Variants in ACAD11 observed in about 807,000 individuals in gnomAD.
ACAD11 encodes the protein acyl-Coenzyme A dehydrogenase family, member 11.
A neutral mutation model predicts 102.2 loss-of-function variants in ACAD11; 83 were observed. The ratio of observed to expected loss-of-function variants is 0.81; its 90% CI spans 0.68 to 0.97. ACAD11 has a LOEUF of 0.97. Among genes scored for constraint, ACAD11 ranks in the 50% least tolerant of loss-of-function variants. ACAD11 has a pLI of 0.00. For synonymous variants in ACAD11, 324 were observed against 319.8 expected (o/e 1.01, Z -0.14); for missense variants, 901 against 951.7 (o/e 0.95, Z 0.70).
chr3:132,606,272 T>C (rs1386904746), intron 11 of ACAD11, among the ~76,000 whole-genome samples: 1 of 152,206 alleles, frequency 6.6e-6, no homozygotes, highest in Non-Finnish European at 1.5e-5. Context: ...AGAGCCAACA[T>C]TACATCAACA....
At chr3:132,567,180 T>C (rs1187738423) in intron 17 of ACAD11, among the ~76,000 whole-genome samples, 2 of 152,182 alleles carry the variant, frequency 1.3e-5, no homozygotes, top group African/African-American at 4.8e-5. Context: ...GGTTTCACCA[T>C]GTTGGCCAGG....
intron 13 of ACAD11, among the ~76,000 whole-genome samples, chr3:132,589,063 T>C (rs1937968030): frequency 6.6e-6 from 1 of 152,148 alleles, no homozygotes; most frequent in Non-Finnish European, 1.5e-5. Context: ...CTGAGAGAGC[T>C]TGGTCACCTT....
At chr3:132,614,462 G>T (rs990093524) in intron 11 of ACAD11, among the ~76,000 whole-genome samples, 1 of 152,142 alleles carries the variant, frequency 6.6e-6, no homozygotes, top group African/African-American at 2.4e-5. Context: ...GCATGGTACT[G>T]GTACCGAAAT....
At chr3:132,614,254 T>C (rs1411951294) in intron 11 of ACAD11, among the ~76,000 whole-genome samples, 2 of 152,198 alleles carry the variant, frequency 1.3e-5, no homozygotes, top group Non-Finnish European at 2.9e-5. Context: ...CTGCCCAAAG[T>C]AATTTATAGA....
chr3:132,605,179 G>C lies in ACAD11; in HGVS notation c.1441C>G (p.Leu481Val), dbSNP rs755042208. Residue 481 changes from leucine to valine, a missense_variant, in exon 12 of 20, where the codon CTG (leucine) becomes GTG (valine). Physicochemically the swap from Leu to Val is conservative, Grantham distance 32. Transcript: ENST00000264990. ...TTCTTCTGTTCCTCACTTCCATACA[G>C]GTGCAGAACCTCCATATTCCCTGTG... ...PDTGNMEVLH[L>V]YGSEEQKKQW... 9.3e-6 allele frequency: 15 copies of C among 1,612,740 alleles called. No individual in the cohort carries two copies. In the African/African-American group the frequency reaches 1.5e-4, roughly 16 times the overall value.
intron 1 of ACAD11, chr3:132,647,022 T>C (rs984184364): frequency 2.0e-5 from 3 of 152,200 alleles, no homozygotes; most frequent in Non-Finnish European, 2.9e-5. Context: ...TTGTATAACA[T>C]TGTGAATATA....
chr3:132,568,343 T>C (rs1319405160), intron 17 of ACAD11, among the ~76,000 whole-genome samples: 3 of 152,206 alleles, frequency 2.0e-5, no homozygotes, highest in African/African-American at 7.2e-5. Context: ...AGGACTTGTA[T>C]GCTGAAAACT....
rs182236178 is a variant in ACAD11, at chr3:132,572,706, A to G, written c.2001+3066T>C. On this transcript the variant is annotated intron_variant, in intron 17 of 19. Coordinates refer to ENST00000264990, the MANE Select transcript of ACAD11 (RefSeq NM_032169.5). ...GTTACAAAAACAGGTACATAGACCA[A>G]TGTAACAGAGAGCCCAGAAATGGGG... Among the ~76,000 whole-genome samples, 338 of 152,344 alleles carry G rather than the reference A, an allele frequency of 2.2e-3. 1 individual carries two copies. Among genetic ancestry groups the G allele is most frequent in the South Asian group, 3.7e-3 (18 of 4,834 alleles).
intron 17 of ACAD11, among the ~76,000 whole-genome samples, chr3:132,563,868 A>T (rs1020562990): frequency 6.6e-6 from 1 of 152,222 alleles, no homozygotes; most frequent in Middle Eastern, 3.4e-3. Context: ...GTTTTGGGGG[A>T]AAAGCATTTA....
intron 5 of ACAD11, among the ~76,000 whole-genome samples, chr3:132,635,001 A>G (rs182125623): frequency 5.6e-4 from 85 of 151,974 alleles, no homozygotes; most frequent in African/African-American, 9.9e-4. Flanking sequence ...ACATGTATAC[A>G]TACGTAACAA....
intron 12 of ACAD11, 130 bp downstream of exon 12, chr3:132,604,968 A>C: frequency 1.7e-6 from 1 of 575,666 alleles, no homozygotes; most frequent in South Asian, 2.8e-5. Flanking sequence ...CTCAAAATAA[A>C]CATACTCACA....
In ACAD11 at chr3:132,603,335, TAAAC is replaced by T. The variant is rs776264586; in HGVS notation, c.1523-12_1523-9del. 2 of 1,612,358 alleles carry T rather than the reference TAAAC, an allele frequency of 1.2e-6. No homozygotes were observed. Among genetic ancestry groups the T allele is most frequent in the African/African-American group, 2.7e-5 (2 of 74,874 alleles). On this transcript the variant is annotated splice_polypyrimidine_tract_variant and intron_variant, in intron 12 of 19. Transcript: ENST00000264990. ...TTGAAGCTACATCAGGTTCTATAAA[TAAAC>T]AAAAGCTGAATTTACAGGCAGGCAG...
chr3:132,610,394 C>G (rs988801542), intron 11 of ACAD11, among the ~76,000 whole-genome samples: 10 of 151,992 alleles, frequency 6.6e-5, no homozygotes, highest in Non-Finnish European at 1.0e-4. Context: ...GAAGGAAATA[C>G]AGACACAAAA....
chr3:132,567,646 G>A (rs1050644990), intron 17 of ACAD11, among the ~76,000 whole-genome samples: 1 of 152,158 alleles, frequency 6.6e-6, no homozygotes, highest in African/African-American at 2.4e-5. Flanking sequence ...GACAAAGATT[G>A]ATAAAGTGGA....
At chr3:132,618,561 C>T (rs1391976599) in intron 11 of ACAD11, 73 bp downstream of exon 11, 2 of 1,286,780 alleles carry the variant, frequency 1.6e-6, no homozygotes, top group African/African-American at 1.6e-5. Flanking sequence ...AAAACACATT[C>T]TTATCATATA....
intron 11 of ACAD11, among the ~76,000 whole-genome samples, chr3:132,615,919 G>C (rs1321122475): frequency 1.3e-5 from 2 of 152,058 alleles, no homozygotes; most frequent in African/African-American, 4.8e-5. Flanking sequence ...TATTGAAGGG[G>C]GGAAAAAGGG....
intron 4 of ACAD11, among the ~76,000 whole-genome samples, chr3:132,641,347 T>A (rs1013216170): frequency 1.3e-5 from 2 of 151,900 alleles, no homozygotes; most frequent in African/African-American, 4.8e-5. Flanking sequence ...ATTGAGACCA[T>A]CCTGGCTAAC....
In ACAD11 at chr3:132,577,012, T is replaced by C. The variant is rs775887623; in HGVS notation, c.1778A>G (p.Asn593Ser). 1.3e-6 allele frequency: 2 copies of C among 1,597,720 alleles called. No homozygotes were observed. The highest frequency in any genetic ancestry group is 1.7e-6 in the Non-Finnish European group (2 of 1,166,856). The change falls in exon 16 of 20, where the codon AAT becomes AGT. Residue 593 changes from asparagine to serine, a missense_variant. Asn to Ser is a conservative substitution (Grantham distance 46). Transcript: ENST00000264990. ...GATCTCAAAATGTCCTCCATGAAAA[T>C]TATCTATAAAATAGAAAATAAAATT... ...RPLSVFGYTD[N>S]FHGGHFEIHF...
intron 13 of ACAD11, among the ~76,000 whole-genome samples, chr3:132,596,818 T>C (rs992740683): frequency 3.3e-5 from 5 of 152,236 alleles, no homozygotes; most frequent in African/African-American, 4.8e-5. Context: ...ATAAAAATGT[T>C]AAATTCTATT....
Sources: gnomAD v4.1 joint callset for allele counts (sites outside exome capture counted in the v4.1 genomes callset) on GRCh38, gnomAD v4.1.1 for gene constraint, MANE v1.5 for transcripts, NCBI Gene and HGNC (gene_info 2026-07-23, HGNC 2026-07-21) for gene names.